The following ATR variants were observed in gnomAD, a reference collection of about 807,000 sequenced individuals.
ATR encodes ATR checkpoint kinase, also known as serine/threonine-protein kinase ATR.
In ATR, 142 loss-of-function variants were observed where a neutral mutation model predicts 305.3. The observed-to-expected ratio is 0.47, with a 90% confidence interval of 0.41 to 0.53. The LOEUF is 0.53. Ranked by LOEUF, ATR falls within the 20% of genes least tolerant of loss-of-function variation. The pLI is 0.00. For synonymous variants in ATR, 1,050 were observed against 1,068.1 expected (o/e 0.98, Z 0.33); for missense variants, 2,135 against 3,133.1 (o/e 0.68, Z 7.60).
rs2034429135 is a variant in ATR at position 142,550,291 on chromosome 3, T to C, written c.2817A>G (p.Glu939=). Residue 939 remains glutamate, a synonymous_variant, in exon 14 of 47, where the codon GAA becomes GAG. Transcript: ENST00000350721. ...CTGTCATCTGACTAGAGTGAAGGGATTCTACCAAAAACTAGAGCAAAAACC... is the reference window on the plus strand; with the variant it reads ...CTGTCATCTGACTAGAGTGAAGGGACTCTACCAAAAACTAGAGCAAAAACC... The part of the protein sequence containing the change: ...YKKPICQFLV[E]SLHSSQMTAL... 6.2e-7 allele frequency: 1 copy of C among 1,613,996 alleles called. No homozygotes were observed.
At chr3:142,570,608 G>T (rs2035228714) in intron 1 of ATR, among the ~76,000 whole-genome samples, 2 of 152,142 alleles carry the variant, frequency 1.3e-5, no homozygotes, top group Non-Finnish European at 2.9e-5. Flanking sequence ...GGCTAGTCTG[G>T]AACTCCTGAC....
chr3:142,469,761 A>G (rs1352611287), intron 37 of ATR, among the ~76,000 whole-genome samples, 192 bp from the exon 38 acceptor site: 1 of 152,184 alleles, frequency 6.6e-6, no homozygotes, highest in Non-Finnish European at 1.5e-5. Flanking sequence ...ATTTAGAGCC[A>G]TTCAAAAACC....
chr3:142,503,852 A>G (rs1225480239), intron 29 of ATR, among the ~76,000 whole-genome samples: 1 of 152,212 alleles, frequency 6.6e-6, no homozygotes, highest in African/African-American at 2.4e-5. Context: ...ATATTTTTCA[A>G]TTTGGACTAC....
chr3:142,454,437 C>CTTTTTTTT (rs760823609), intron 45 of ATR, among the ~76,000 whole-genome samples: 8 of 101,474 alleles, frequency 7.9e-5, no homozygotes, highest in African/African-American at 2.5e-4. Flanking sequence ...TGATAGACAG[C>CTTTTTTTT]TTTTTTTTTT....
chr3:142,469,361 C>A lies in ATR; in HGVS notation c.6528G>T (p.Met2176Ile). ...CCTTTGACACAGCTGTCATCATCCACATTGCTTGTTGAGGATAGGCTAGAA... is the reference window on the plus strand; with the variant it reads ...CCTTTGACACAGCTGTCATCATCCAAATTGCTTGTTGAGGATAGGCTAGAA... The part of the protein sequence containing the change: ...KVFLAYPQQA[M>I]WMMTAVSKSS... Residue 2176 changes from methionine (M) to isoleucine (I), a missense_variant, in exon 38 of 47, where the codon ATG (methionine) becomes ATT (isoleucine). Around this residue, in one of 9 missense-constraint regions of ATR, gnomAD observed 462 missense variants for 887.6 expected, o/e 0.52. Transcript: ENST00000350721. 1 of 1,613,772 alleles carries A rather than the reference C, an allele frequency of 6.2e-7. No homozygotes were observed. The highest frequency in any genetic ancestry group is 2.2e-5 in the East Asian group (1 of 44,858).
intron 1 of ATR, among the ~76,000 whole-genome samples, chr3:142,568,364 A>C (rs1471819228): frequency 6.6e-6 from 1 of 152,248 alleles, no homozygotes; most frequent in Non-Finnish European, 1.5e-5. Flanking sequence ...AAGAGATCCA[A>C]TCAGCAAAGC....
Position 142,561,332 on chromosome 3 carries a change from G to A in ATR, c.1260C>T (p.Leu420=). Residue 420 remains leucine, a synonymous_variant, in exon 5 of 47, where the codon CTC becomes CTT. Transcript: ENST00000350721. ...EIQCQTQQEN[L]SSNSDGISPK... ...GTGATATTCCATCACTATTACTGCTGAGGTTTTCCTGTTGAGTTTGGCATT... is the reference window on the plus strand; with the variant it reads ...GTGATATTCCATCACTATTACTGCTAAGGTTTTCCTGTTGAGTTTGGCATT... 1 of 1,614,028 alleles carries A rather than the reference G, an allele frequency of 6.2e-7. No homozygotes were observed. The highest frequency in any genetic ancestry group is 1.3e-5 in the African/African-American group (1 of 75,042).
intron 27 of ATR, among the ~76,000 whole-genome samples, chr3:142,510,045 G>A (rs1359322607): frequency 1.3e-5 from 2 of 151,628 alleles, no homozygotes; most frequent in Admixed American, 6.6e-5. Flanking sequence ...AAGCCTGGGA[G>A]GTGGAGGTTG....
intron 42 of ATR, 84 bp from the exon 43 acceptor site, chr3:142,459,467 A>G (rs1577497561): frequency 1.4e-6 from 2 of 1,441,114 alleles, no homozygotes; most frequent in East Asian, 4.6e-5. Context: ...TGGACAAGAA[A>G]CATCTACTTT....
chr3:142,534,516 C>CA (rs2108422651), intron 21 of ATR, among the ~76,000 whole-genome samples: 1 of 152,134 alleles, frequency 6.6e-6, no homozygotes, highest in African/African-American at 2.4e-5. Context: ...TCTAGATATG[C>CA]AAAAATGAGT....
chr3:142,564,710 T>A (rs2035005161), intron 3 of ATR, among the ~76,000 whole-genome samples: 1 of 152,214 alleles, frequency 6.6e-6, no homozygotes, highest in South Asian at 2.1e-4. Flanking sequence ...AAAGGTTCAT[T>A]AAATAGTACT....
At chr3:142,453,342 T>C (rs1359862768) in intron 45 of ATR, 109 bp from the exon 46 acceptor site, 3 of 1,280,322 alleles carry the variant, frequency 2.3e-6, no homozygotes, top group African/African-American at 1.5e-5. Flanking sequence ...ACTCTTATAA[T>C]ACACATTACT....
chr3:142,476,309 T>C (rs1449311608), intron 36 of ATR, among the ~76,000 whole-genome samples: 1 of 152,208 alleles, frequency 6.6e-6, no homozygotes, highest in Non-Finnish European at 1.5e-5. Context: ...GCTTTCTACA[T>C]ACAGCTAGCC....
intron 2 of ATR, 132 bp downstream of exon 2, chr3:142,567,931 C>A: frequency 2.8e-6 from 2 of 724,506 alleles, no homozygotes; most frequent in Non-Finnish European, 4.4e-6. Context: ...TAACAAATAA[C>A]TTGCTTGAAA....
chr3:142,575,412 A>G (rs2035403225), intron 1 of ATR, among the ~76,000 whole-genome samples: 1 of 145,456 alleles, frequency 6.9e-6, no homozygotes, highest in African/African-American at 2.6e-5. Context: ...TGAACCCGGG[A>G]GGCAGAGGTT....
intron 15 of ATR, 122 bp downstream of exon 15, chr3:142,549,357 T>C (rs2034394345): frequency 1.5e-6 from 1 of 652,060 alleles, no homozygotes. Flanking sequence ...TAACAACATT[T>C]AAACTTACAT....
At position 142,469,519 on chromosome 3, in the gene ATR, T is replaced by C. The variant is rs2108279489; in HGVS notation, c.6370A>G (p.Lys2124Glu). 6.2e-7 allele frequency: 1 copy of C among 1,613,976 alleles called. No individual in the cohort carries two copies. The highest frequency in any genetic ancestry group is 8.5e-7 in the Non-Finnish European group (1 of 1,179,920). The change falls in exon 38 of 47, where the codon AAG becomes GAG. Residue 2124 changes from lysine to glutamate, a missense_variant. By Grantham distance (56) the Lys-to-Glu change is moderately conservative. This residue lies in a region of ATR where 462 missense variants were observed against 887.6 expected (regional missense o/e 0.52). Coordinates refer to ENST00000350721, the MANE Select transcript of ATR (RefSeq NM_001184.4). ...QMRNDLGKIN[K>E]VITEHTNYLA... ...TAGTTTGTATGCTCTGTGATAACCT[T>C]GTTTATTTTACCCAAATCATTCCTC...
At chr3:142,458,888 G>C (rs2108259513) in intron 44 of ATR, 70 bp downstream of exon 44, 1 of 1,534,620 alleles carries the variant, frequency 6.5e-7, no homozygotes, top group Non-Finnish European at 9.0e-7. Flanking sequence ...GTATGTCAAG[G>C]AAGATACAGT....
At position 142,468,076 on chromosome 3, in the gene ATR, A is replaced by C. The variant is rs2071171555; in HGVS notation, c.6553-8T>G. 1 of 1,611,534 alleles carries C rather than the reference A, an allele frequency of 6.2e-7. No individual in the cohort carries two copies. Among genetic ancestry groups the C allele is most frequent in the Non-Finnish European group, 8.5e-7 (1 of 1,178,982 alleles). On this transcript the variant is annotated splice_region_variant and splice_polypyrimidine_tract_variant and intron_variant, in intron 38 of 46. Transcript: ENST00000350721. The stretch of plus-strand genomic sequence containing the variant: ...ACGCATGGGATAAGATGACTGTCAT[A>C]AAAAAGAGTTAAATGTCATAAAAAA...
Sources: allele counts gnomAD v4.1 joint callset (sites outside exome capture counted in the v4.1 genomes callset), GRCh38; gene constraint gnomAD v4.1.1; regional missense constraint gnomAD v4.1.1; transcripts MANE v1.5; gene names NCBI Gene and HGNC (gene_info 2026-07-23, HGNC 2026-07-21).